Variants in KIF6 observed in about 807,000 individuals in gnomAD.
The protein encoded by KIF6 is kinesin-like protein KIF6.
KIF6 carries 106 observed loss-of-function variants against 112.7 expected under a neutral mutation model. The ratio of observed to expected loss-of-function variants is 0.94; its 90% CI spans 0.80 to 1.11. The LOEUF (loss-of-function observed/expected upper bound fraction) is 1.11, where lower values mean the gene tolerates loss of function less well. Among genes scored for constraint, KIF6 ranks in the 50% least tolerant of loss-of-function variants. The probability of loss-of-function intolerance (pLI) is 0.00; values close to 1 mark genes in which losing one functional copy is unlikely to be tolerated. For synonymous variants in KIF6, 339 were observed against 339.9 expected, an observed-to-expected ratio of 1.00 and a Z score of 0.03; for missense variants, 929 against 964.0, an observed-to-expected ratio of 0.96 and a Z score of 0.48.
intron 15 of KIF6, among the ~76,000 whole-genome samples, chr6:39,404,088 G>A (rs1005337582): frequency 1.3e-5 from 2 of 152,046 alleles, no homozygotes; most frequent in African/African-American, 4.8e-5. Context: ...TGTGAGATAT[G>A]ATATCTGAAA....
At chr6:39,353,777 C>T (rs183761991) in intron 19 of KIF6, 5 of 280,732 alleles carry the variant, frequency 1.8e-5, no homozygotes, top group Non-Finnish European at 3.5e-5. Context: ...GGCAGATGGA[C>T]CCAGTGGCTC....
chr6:39,613,299 C>G lies in KIF6; in HGVS notation c.529G>C (p.Asp177His). The change falls in exon 6 of 23, where the codon GAT becomes CAT. Residue 177 changes from aspartate (D) to histidine (H), a missense_variant. Asp to His is a moderately conservative substitution (Grantham distance 81, BLOSUM62 -1). Coordinates refer to ENST00000287152, the MANE Select transcript of KIF6 (RefSeq NM_145027.6). ...EDLPKVTILEDPDQNIHLKNL... is the reference protein window; with the variant it reads ...EDLPKVTILEHPDQNIHLKNL... Reference sequence around the variant, plus strand: ...TTCAGGTGAATGTTCTGATCAGGATCCTCCAGTATTGTCACTTTCCTAAGC... The same window carrying G: ...TTCAGGTGAATGTTCTGATCAGGATGCTCCAGTATTGTCACTTTCCTAAGC... The G allele has an allele frequency of 6.3e-7, 1 of 1,593,262 alleles. No homozygotes were observed. Among genetic ancestry groups the G allele is most frequent in the Non-Finnish European group, 8.5e-7 (1 of 1,171,280 alleles).
intron 20 of KIF6, 153 bp downstream of exon 20, chr6:39,346,323 C>T: frequency 1.4e-6 from 1 of 700,038 alleles, no homozygotes; most frequent in East Asian, 2.7e-5. Flanking sequence ...AGAGGTGGGG[C>T]CTTTGGGTGG....
rs920921348 is a variant in KIF6 at position 39,538,071 on chromosome 6, A to T, written c.1645+1932T>A. 1.8e-4 allele frequency among the ~76,000 whole-genome samples: 27 copies of T among 152,232 alleles called. 1 individual carries two copies. Among genetic ancestry groups the T allele is most frequent in the Admixed American group, 1.4e-3 (22 of 15,288 alleles). ...CACCTTATACAAAAATTAATTCAAG[A>T]TGGATTAAAGACTTAAATGTTAGAC... On this transcript the variant is annotated intron_variant, in intron 13 of 22. Coordinates refer to ENST00000287152, the MANE Select transcript of KIF6 (RefSeq NM_145027.6).
chr6:39,480,311 G>A (rs926909329), intron 13 of KIF6, among the ~76,000 whole-genome samples: 7 of 152,016 alleles, frequency 4.6e-5, no homozygotes, highest in African/African-American at 1.4e-4. Context: ...TGAGATGATC[G>A]TGGGATTTTT....
chr6:39,654,729 A>G (rs950863476), intron 3 of KIF6, among the ~76,000 whole-genome samples: 7 of 152,188 alleles, frequency 4.6e-5, no homozygotes, highest in African/African-American at 1.7e-4. Flanking sequence ...GACATTTTAC[A>G]TATAGCACAG....
intron 6 of KIF6, among the ~76,000 whole-genome samples, chr6:39,602,021 CA>C (rs1338484743): frequency 6.6e-6 from 1 of 151,944 alleles, no homozygotes; most frequent in South Asian, 2.1e-4. Flanking sequence ...TTTATATCCC[CA>C]AGGATATTTT....
intron 5 of KIF6, among the ~76,000 whole-genome samples, chr6:39,630,260 T>C (rs1475422947): frequency 2.0e-5 from 3 of 152,208 alleles, no homozygotes; most frequent in African/African-American, 7.2e-5. Flanking sequence ...ATCTATACTT[T>C]ATCTACAAAT....
In KIF6 at chr6:39,586,694, T is replaced by C. The variant is rs1056513604; in HGVS notation, c.847-290A>G. ...TACACTATTATTCTGTTTTTAACGATTGGAAAATTTGTATGAAAACACAAG... is the reference window on the plus strand; with the variant it reads ...TACACTATTATTCTGTTTTTAACGACTGGAAAATTTGTATGAAAACACAAG... On this transcript the variant is annotated intron_variant, in intron 7 of 22. Transcript: ENST00000287152. Among the ~76,000 whole-genome samples, 6 of 152,310 alleles carry C rather than the reference T, an allele frequency of 3.9e-5. No individual in the cohort carries two copies. In the East Asian group the frequency reaches 7.7e-4, roughly 20 times the overall value.
chr6:39,704,345 G>A (rs759510320), intron 3 of KIF6, among the ~76,000 whole-genome samples: 7 of 152,190 alleles, frequency 4.6e-5, no homozygotes, highest in Non-Finnish European at 7.3e-5. Flanking sequence ...CAGGCCAGGC[G>A]CGTTGGCTCA....
At chr6:39,720,591 T>C (rs10947834) in intron 2 of KIF6, 111 bp downstream of exon 2, 253,364 of 649,060 alleles carry the variant, frequency 0.39, 50,816 homozygotes, top group East Asian at 0.56. Flanking sequence ...AAGAGCTGCG[T>C]TGCATTTTCC....
chr6:39,636,059 A>G (rs957880364), intron 4 of KIF6, among the ~76,000 whole-genome samples: 1 of 151,988 alleles, frequency 6.6e-6, no homozygotes, highest in Non-Finnish European at 1.5e-5. Context: ...GAGATAGGAG[A>G]GAGAATAGTG....
At chr6:39,662,361 T>C (rs868590740) in intron 3 of KIF6, among the ~76,000 whole-genome samples, 1 of 152,232 alleles carries the variant, frequency 6.6e-6, no homozygotes, top group Non-Finnish European at 1.5e-5. Context: ...TCACATACAT[T>C]ACATGTGTAA....
At chr6:39,356,166 A>G (rs1764669834) in intron 19 of KIF6, among the ~76,000 whole-genome samples, 1 of 151,568 alleles carries the variant, frequency 6.6e-6, no homozygotes, top group South Asian at 2.1e-4. Flanking sequence ...GATGTGTCTG[A>G]TGTTTTCCTC....
At chr6:39,387,850 T>C (rs1329698861) in intron 15 of KIF6, among the ~76,000 whole-genome samples, 1 of 152,212 alleles carries the variant, frequency 6.6e-6, no homozygotes, top group Non-Finnish European at 1.5e-5. Context: ...AAAGGAGATA[T>C]TGCTGTGACA....
intron 19 of KIF6, among the ~76,000 whole-genome samples, chr6:39,347,456 C>T (rs371049384): frequency 3.3e-5 from 5 of 152,236 alleles, no homozygotes; most frequent in African/African-American, 1.2e-4. Flanking sequence ...AACCCAGAAG[C>T]TCCTCTTGGG....
In KIF6 at chr6:39,482,006, G is replaced by GCACACACACA. The variant is rs143093562; in HGVS notation, c.1646-50855_1646-50846dup. Among the ~76,000 whole-genome samples the GCACACACACA allele has an allele frequency of 4.6e-3, 647 of 141,230 alleles. 7 individuals carry two copies. The highest frequency in any genetic ancestry group is 0.045 in the East Asian group (209 of 4,656). 92.7% of individuals were successfully genotyped at this position (141,230 alleles called of 152,430 possible). A position where few individuals can be genotyped will look rare whatever the true frequency, so the allele number is the denominator to read the frequency against. On this transcript the variant is annotated intron_variant, in intron 13 of 22. Transcript: ENST00000287152. ...GAGATAAAGACAACGGGACCTTTAG[G>GCACACACACA]CACACACACACACACACACACACAC...
At chr6:39,362,396 G>C in intron 17 of KIF6, 38 bp downstream of exon 17, 1 of 1,507,886 alleles carries the variant, frequency 6.6e-7, no homozygotes, top group Non-Finnish European at 9.2e-7. Flanking sequence ...ACCCTGGGAG[G>C]CTGGGCTCGG....
At chr6:39,652,876 T>C (rs1331055844) in intron 3 of KIF6, among the ~76,000 whole-genome samples, 1 of 152,170 alleles carries the variant, frequency 6.6e-6, no homozygotes, top group East Asian at 1.9e-4. Context: ...AAACCTACCA[T>C]CTTTTTATAA....
Sources: allele counts gnomAD v4.1 joint callset (sites outside exome capture counted in the v4.1 genomes callset), GRCh38; gene constraint gnomAD v4.1.1; transcripts MANE v1.5; gene names NCBI Gene and HGNC (gene_info 2026-07-23, HGNC 2026-07-21).